Variants in DPP10 observed in about 807,000 individuals in gnomAD.
DPP10 encodes dipeptidyl peptidase like 10, also known as inactive dipeptidyl peptidase 10.
In DPP10, 33 loss-of-function variants were observed where a neutral mutation model predicts 120.9. The observed-to-expected ratio is 0.27, with a 90% CI of 0.21 to 0.37. The LOEUF is 0.37. Ranked by LOEUF, DPP10 falls within the 10% of genes least tolerant of loss-of-function variation. The pLI, the probability that DPP10 is intolerant of heterozygous loss-of-function variation, is 1.00. For synonymous variants in DPP10, 337 were observed against 326.1 expected (o/e 1.03, Z -0.36); for missense variants, 816 against 942.8 (o/e 0.87, Z 1.76).
chr2:115,429,590 G>A (rs998870306), intron 3 of DPP10, among the ~76,000 whole-genome samples: 1 of 152,120 alleles, frequency 6.6e-6, no homozygotes, highest in African/African-American at 2.4e-5. Flanking sequence ...AGTGTCCTCA[G>A]GACTTTAAAA....
chr2:115,506,211 C>G (rs1277393425), intron 4 of DPP10, among the ~76,000 whole-genome samples: 1 of 152,046 alleles, frequency 6.6e-6, no homozygotes, highest in Non-Finnish European at 1.5e-5. Flanking sequence ...CTTCACATTA[C>G]ATAATACAGA....
chr2:115,186,515 T>C (rs1411084906), intron 1 of DPP10, among the ~76,000 whole-genome samples: 5 of 152,036 alleles, frequency 3.3e-5, no homozygotes, highest in Non-Finnish European at 5.9e-5. Context: ...GTAGTGGAGG[T>C]GAGTCAAAGA....
chr2:114,701,781 C>T (rs1252268691), intron 1 of DPP10, among the ~76,000 whole-genome samples: 1 of 151,996 alleles, frequency 6.6e-6, no homozygotes, highest in Non-Finnish European at 1.5e-5. Context: ...AATGTCTCTG[C>T]CTTGTGGGGA....
At chr2:114,663,176 C>T (rs1275492668) in intron 1 of DPP10, among the ~76,000 whole-genome samples, 1 of 151,164 alleles carries the variant, frequency 6.6e-6, no homozygotes, top group Non-Finnish European at 1.5e-5. Flanking sequence ...AATAGGTGGG[C>T]TATATCGTGT....
At chr2:115,631,163 G>C (rs1406576805) in intron 5 of DPP10, among the ~76,000 whole-genome samples, 1 of 150,518 alleles carries the variant, frequency 6.6e-6, no homozygotes, top group African/African-American at 2.5e-5. Flanking sequence ...GGGTGTATGT[G>C]TCCAGTAATT....
At chr2:114,928,905 T>G (rs952345488) in intron 1 of DPP10, among the ~76,000 whole-genome samples, 11 of 152,284 alleles carry the variant, frequency 7.2e-5, no homozygotes, top group African/African-American at 2.6e-4. Flanking sequence ...TTGAGCTACA[T>G]CTGGAGCTGG....
chr2:114,834,064 A>ACACCTATGTATATATAAGCCATATTTACG (rs1687387224), intron 1 of DPP10: 2 of 150,054 alleles, frequency 1.3e-5, no homozygotes, highest in African/African-American at 5.0e-5. Flanking sequence ...CCATATCTAC[A>ACACCTATGTATATATAAGCCATATTTACG]CACCTATGTA....
At chr2:114,644,003 C>T (rs1393021418) in intron 1 of DPP10, among the ~76,000 whole-genome samples, 4 of 145,764 alleles carry the variant, frequency 2.7e-5, no homozygotes, top group Non-Finnish European at 4.5e-5. Context: ...GGCATGATCT[C>T]GGCTCACTGC....
chr2:115,620,496 C>CT (rs1429108636), intron 5 of DPP10, among the ~76,000 whole-genome samples: 1 of 152,166 alleles, frequency 6.6e-6, no homozygotes, highest in African/African-American at 2.4e-5. Flanking sequence ...GAAATCAAGC[C>CT]TGCAAAGCAC....
rs191671142 is a variant in DPP10, at chr2:115,230,738, C to T, written c.61-78501C>T. 2.5e-3 allele frequency among the ~76,000 whole-genome samples: 381 copies of T among 151,512 alleles called. 2 individuals carry two copies. Among genetic ancestry groups the T allele is most frequent in the South Asian group, 4.4e-3 (21 of 4,804 alleles). On this transcript the variant is annotated intron_variant, in intron 1 of 25. Coordinates refer to ENST00000410059, the MANE Select transcript of DPP10 (RefSeq NM_020868.6). ...GTTGTATTTTTTGGTATGCTTTTTC[C>T]GGTAAAAAAATTAATTATGAAAAAT...
chr2:115,084,050 C>T (rs562121966), intron 1 of DPP10, among the ~76,000 whole-genome samples: 2 of 152,078 alleles, frequency 1.3e-5, no homozygotes, highest in East Asian at 1.9e-4. Flanking sequence ...GGGGCTATAC[C>T]TTTGTGATCC....
chr2:115,290,104 A>G (rs2060592663), intron 1 of DPP10, among the ~76,000 whole-genome samples: 1 of 152,180 alleles, frequency 6.6e-6, no homozygotes, highest in Admixed American at 6.5e-5. Flanking sequence ...ACATCCAACA[A>G]AGGACTAATA....
intron 5 of DPP10, among the ~76,000 whole-genome samples, chr2:115,563,805 T>C (rs956905039): frequency 3.3e-5 from 5 of 152,294 alleles, no homozygotes; most frequent in African/African-American, 4.8e-5. Flanking sequence ...CAAACACTTA[T>C]ATAGGTTAAG....
intron 5 of DPP10, among the ~76,000 whole-genome samples, chr2:115,631,070 T>C (rs2085826335): frequency 7.2e-6 from 1 of 138,616 alleles, no homozygotes; most frequent in Non-Finnish European, 1.5e-5. Context: ...TTGTGGTTTG[T>C]AGGCTATTAA....
chr2:115,329,565 T>G (rs1253405294), intron 2 of DPP10, among the ~76,000 whole-genome samples: 1 of 152,222 alleles, frequency 6.6e-6, no homozygotes, highest in Non-Finnish European at 1.5e-5. Flanking sequence ...TAGGTATATC[T>G]CCTAATGCTA....
chr2:114,770,364 A>T (rs1483769692), intron 1 of DPP10, among the ~76,000 whole-genome samples: 1 of 152,158 alleles, frequency 6.6e-6, no homozygotes, highest in Non-Finnish European at 1.5e-5. Context: ...GGTACTATTA[A>T]TTTATTTTTA....
At chr2:115,045,124 G>T (rs560344687) in intron 1 of DPP10, among the ~76,000 whole-genome samples, 1 of 152,230 alleles carries the variant, frequency 6.6e-6, no homozygotes, top group African/African-American at 2.4e-5. Flanking sequence ...TTTCTTTTGG[G>T]TACATACCGA....
chr2:115,217,328 C>A (rs896353487), intron 1 of DPP10, among the ~76,000 whole-genome samples: 1 of 152,140 alleles, frequency 6.6e-6, no homozygotes. Flanking sequence ...TAGAAGACAT[C>A]ATACATGGTA....
chr2:115,255,124 C>T (rs1231789633), intron 1 of DPP10, among the ~76,000 whole-genome samples: 1 of 152,200 alleles, frequency 6.6e-6, no homozygotes, highest in East Asian at 1.9e-4. Context: ...CATACCTCTG[C>T]CTGGACACCA....
Sources: allele counts gnomAD v4.1 joint callset (sites outside exome capture counted in the v4.1 genomes callset), GRCh38; gene constraint gnomAD v4.1.1; transcripts MANE v1.5; gene names NCBI Gene and HGNC (gene_info 2026-07-23, HGNC 2026-07-21).